USP4: variants seen among roughly 807,000 people sequenced by gnomAD.
USP4 encodes ubiquitin carboxyl-terminal hydrolase 4.
Under a neutral mutation model 118.2 loss-of-function variants are expected in USP4, and 72 were observed. The ratio of observed to expected loss-of-function variants is 0.61; its 90% confidence interval spans 0.50 to 0.74. The LOEUF (loss-of-function observed/expected upper bound fraction) is 0.74, where lower values mean the gene tolerates loss of function less well. Among genes scored for constraint, USP4 ranks in the 30% least tolerant of loss-of-function variants. USP4 has a pLI of 0.00. For synonymous variants in USP4, 415 were observed against 440.4 expected, an observed-to-expected ratio of 0.94 and a Z score of 0.72; for missense variants, 1,037 against 1,185.7, an observed-to-expected ratio of 0.87 and a Z score of 1.84.
chr3:49,313,370 T>TA (rs1559474465), intron 6 of USP4, among the ~76,000 whole-genome samples: 1 of 151,648 alleles, frequency 6.6e-6, no homozygotes, highest in South Asian at 2.1e-4. Flanking sequence ...CTACTAAAAA[T>TA]AAAAAAAATT....
At chr3:49,285,824 A>G (rs1270973810) in intron 16 of USP4, among the ~76,000 whole-genome samples, 1 of 152,214 alleles carries the variant, frequency 6.6e-6, no homozygotes, top group Non-Finnish European at 1.5e-5. Flanking sequence ...GGGTGGCCAC[A>G]GGAAAGGTTA....
intron 19 of USP4, among the ~76,000 whole-genome samples, chr3:49,281,149 C>T (rs1168358689): frequency 6.6e-6 from 1 of 151,830 alleles, no homozygotes; most frequent in Admixed American, 6.6e-5. Flanking sequence ...GGTGAAATCC[C>T]GTCTCTGCTA....
At chr3:49,285,989 G>C in intron 16 of USP4, 109 bp downstream of exon 16, 1 of 1,012,454 alleles carries the variant, frequency 9.9e-7, no homozygotes. Context: ...GCTGCTCCTG[G>C]AGGCACAGAG....
At chr3:49,311,184 C>T (rs2047378387) in intron 7 of USP4, among the ~76,000 whole-genome samples, 1 of 151,938 alleles carries the variant, frequency 6.6e-6, no homozygotes, top group Non-Finnish European at 1.5e-5. Context: ...CACGGCCATC[C>T]ACAGCTGAGC....
chr3:49,303,508 T>C (rs2047281589), intron 9 of USP4, among the ~76,000 whole-genome samples: 2 of 145,586 alleles, frequency 1.4e-5, no homozygotes, highest in South Asian at 4.5e-4. Context: ...CCATAGCCAC[T>C]AGCCACATAT....
At chr3:49,333,048 G>A (rs2047635531) in intron 2 of USP4, among the ~76,000 whole-genome samples, 1 of 140,922 alleles carries the variant, frequency 7.1e-6, no homozygotes, top group Admixed American at 7.3e-5. Context: ...ATGGCACCTT[G>A]TCTCAAAAAA....
At chr3:49,292,230 G>A (rs973708486) in intron 15 of USP4, among the ~76,000 whole-genome samples, 12 of 150,410 alleles carry the variant, frequency 8.0e-5, no homozygotes, top group African/African-American at 2.7e-4. Context: ...AAGTAACAGT[G>A]AGCCATGATT....
chr3:49,287,549 T>A (rs2047109494), intron 15 of USP4, among the ~76,000 whole-genome samples: 1 of 152,074 alleles, frequency 6.6e-6, no homozygotes, highest in African/African-American at 2.4e-5. Context: ...CTCGGCTCAC[T>A]GCCACCTCCG....
chr3:49,291,853 G>A (rs1294078850), intron 15 of USP4, among the ~76,000 whole-genome samples: 13 of 150,484 alleles, frequency 8.6e-5, no homozygotes, highest in Admixed American at 2.7e-4. Context: ...TCACTCTGTC[G>A]CCCAGGCTGG....
intron 6 of USP4, among the ~76,000 whole-genome samples, chr3:49,313,370 T>C (rs1167439228): frequency 6.6e-6 from 1 of 151,532 alleles, no homozygotes; most frequent in East Asian, 1.9e-4. Flanking sequence ...CTACTAAAAA[T>C]AAAAAAAATT....
In USP4 at chr3:49,277,237, C is replaced by T. The variant is rs1225641340; in HGVS notation, c.*1056G>A. The T allele has an allele frequency of 1.8e-5, 23 of 1,312,198 alleles. No homozygotes were observed. Among genetic ancestry groups the T allele is most frequent in the Non-Finnish European group, 2.3e-5 (23 of 1,003,968 alleles). The allele number at this position is 1,312,198 out of a possible 1,614,324, so 81.3% of individuals were successfully genotyped here. On this transcript the variant is annotated 3_prime_UTR_variant, in exon 22 of 22. Transcript: ENST00000265560. ...CAACGGTCATCGCATGCGCGTGCCC[C>T]GCGCAGGCCCCAAACCCCCACGGAT...
intron 2 of USP4, 63 bp downstream of exon 2, chr3:49,335,406 T>C (rs1381586265): frequency 6.2e-7 from 1 of 1,605,446 alleles, no homozygotes; most frequent in East Asian, 2.2e-5. Context: ...ATGTTACAGA[T>C]GCACATAACA....
chr3:49,309,819 G>GT, intron 8 of USP4, among the ~76,000 whole-genome samples: 1 of 150,546 alleles, frequency 6.6e-6, no homozygotes, highest in African/African-American at 2.4e-5. Flanking sequence ...TAGAGATGGG[G>GT]TTTTGCCATG....
At position 49,280,543 on chromosome 3, in the gene USP4, T is replaced by G. The variant is rs1338907124; in HGVS notation, c.2644+201A>C. On this transcript the variant is annotated intron_variant, in intron 20 of 21. Coordinates refer to ENST00000265560, the MANE Select transcript of USP4 (RefSeq NM_003363.4). ...CCACTGTGTTCTAGCCTGGGTGACA[T>G]AACGAGACTCCGTCTCAAAAAAAAA... Among the ~76,000 whole-genome samples, 5 of 104,906 alleles carry G rather than the reference T, an allele frequency of 4.8e-5. No individual in the cohort carries two copies. The Admixed American group carries it at 6.6e-4, about 14-fold the overall frequency. The allele number at this position is 104,906 out of a possible 152,430, so 68.8% of individuals were successfully genotyped here.
At chr3:49,278,585 G>T in intron 21 of USP4, 134 bp from the exon 22 acceptor site, 1 of 1,113,252 alleles carries the variant, frequency 9.0e-7, no homozygotes, top group Non-Finnish European at 1.3e-6. Flanking sequence ...CCTGAGGATG[G>T]CTGCCCCTGC....
chr3:49,314,702 G>A (rs2047418362), intron 6 of USP4, among the ~76,000 whole-genome samples: 1 of 152,108 alleles, frequency 6.6e-6, no homozygotes, highest in African/African-American at 2.4e-5. Context: ...ACTATTCATT[G>A]ATAACTTATC....
intron 20 of USP4, among the ~76,000 whole-genome samples, chr3:49,280,053 A>G (rs1035292027): frequency 2.0e-5 from 3 of 152,186 alleles, no homozygotes; most frequent in Non-Finnish European, 2.9e-5. Context: ...GCTTGAGCCC[A>G]GGAGTTCAAG....
intron 6 of USP4, chr3:49,317,290 T>C (rs765407700): frequency 5.3e-6 from 8 of 1,500,686 alleles, no homozygotes; most frequent in East Asian, 2.3e-5. Context: ...CAGCTTCTCG[T>C]TGACGCAGGC....
intron 9 of USP4, among the ~76,000 whole-genome samples, chr3:49,303,124 A>G (rs1267123874): frequency 6.6e-6 from 1 of 151,926 alleles, no homozygotes; most frequent in Non-Finnish European, 1.5e-5. Context: ...TGTATTAAGC[A>G]CTCCCAGAGA....
Sources: gnomAD v4.1 joint callset for allele counts (sites outside exome capture counted in the v4.1 genomes callset) on GRCh38, gnomAD v4.1.1 for gene constraint, MANE v1.5 for transcripts, NCBI Gene and HGNC (gene_info 2026-07-23, HGNC 2026-07-21) for gene names.